Variants in SORBS2 observed in about 807,000 individuals in gnomAD.
The protein encoded by SORBS2 is sorbin and SH3 domain-containing protein 2.
In SORBS2, 46 loss-of-function variants were observed where a neutral mutation model predicts 97.7. The ratio of observed to expected loss-of-function variants is 0.47; its 90% confidence interval spans 0.37 to 0.60. The LOEUF is 0.60. Ranked by LOEUF, SORBS2 falls within the 20% of genes least tolerant of loss-of-function variation. The probability of loss-of-function intolerance (pLI) is 0.00; values close to 1 mark genes in which losing one functional copy is unlikely to be tolerated. For synonymous variants in SORBS2, 476 were observed against 473.4 expected (o/e 1.01, Z -0.07); for missense variants, 1,316 against 1,282.3 (o/e 1.03, Z -0.40).
chr4:185,610,975 A>C (rs1226929372), intron 12 of SORBS2, among the ~76,000 whole-genome samples: 2 of 152,102 alleles, frequency 1.3e-5, no homozygotes, highest in Non-Finnish European at 2.9e-5. Flanking sequence ...AATAAGAAAA[A>C]ATTTCACATT....
chr4:185,808,244 A>G, intron 1 of SORBS2, among the ~76,000 whole-genome samples: 1 of 152,186 alleles, frequency 6.6e-6, no homozygotes, highest in Non-Finnish European at 1.5e-5. Flanking sequence ...GTCAAGAAAT[A>G]TGAATTTAAA....
intron 1 of SORBS2, among the ~76,000 whole-genome samples, chr4:185,801,836 A>G (rs114492188): frequency 0.015 from 2,209 of 152,276 alleles, 49 homozygotes; most frequent in African/African-American, 0.051. Flanking sequence ...GTAAAACCCA[A>G]TGAGCACTTC....
intron 1 of SORBS2, chr4:185,918,640 C>G (rs545888090): frequency 6.6e-6 from 1 of 152,204 alleles, no homozygotes; most frequent in African/African-American, 2.4e-5. Context: ...GAGACATTTG[C>G]GTAGCTCTGT....
intron 4 of SORBS2, among the ~76,000 whole-genome samples, chr4:185,666,426 C>T (rs2097599986): frequency 6.6e-6 from 1 of 152,164 alleles, no homozygotes; most frequent in African/African-American, 2.4e-5. Flanking sequence ...CCGGTTTTCA[C>T]ACAGCACTGC....
chr4:185,869,990 A>C lies in SORBS2; in HGVS notation c.-338+86206T>G, dbSNP rs193157587. Among the ~76,000 whole-genome samples, 364 of 152,362 alleles carry C rather than the reference A, an allele frequency of 2.4e-3. 2 individuals are homozygous for C. Among genetic ancestry groups the C allele is most frequent in the Non-Finnish European group, 2.9e-3 (198 of 68,034 alleles). Reference sequence around the variant, plus strand: ...TGTATATAAGTTTAAAGAGGATAAAAAGTTGAAAAATCTTTCTTAATTGTT... The same window carrying C: ...TGTATATAAGTTTAAAGAGGATAAACAGTTGAAAAATCTTTCTTAATTGTT... On this transcript the variant is annotated intron_variant, in intron 1 of 20. Transcript: ENST00000284776.
intron 1 of SORBS2, among the ~76,000 whole-genome samples, chr4:185,824,352 A>C (rs768187000): frequency 6.6e-6 from 1 of 152,068 alleles, no homozygotes; most frequent in Non-Finnish European, 1.5e-5. Context: ...CTCTTTTCTT[A>C]TAAGGACAGG....
intron 2 of SORBS2, chr4:185,757,323 C>T (rs978120863): frequency 2.2e-5 from 4 of 186,032 alleles, no homozygotes; most frequent in Admixed American, 1.1e-4. Flanking sequence ...AGGAAATGCA[C>T]CTATGTGAAG....
chr4:185,760,160 A>G (rs1349114814), intron 2 of SORBS2, among the ~76,000 whole-genome samples: 1 of 152,202 alleles, frequency 6.6e-6, no homozygotes, highest in Non-Finnish European at 1.5e-5. Context: ...AGGAACAACC[A>G]TATGTACTAT....
intron 1 of SORBS2, among the ~76,000 whole-genome samples, chr4:185,950,699 T>G (rs1023916261): frequency 6.6e-6 from 1 of 152,206 alleles, no homozygotes; most frequent in African/African-American, 2.4e-5. Flanking sequence ...TTAATACACA[T>G]TTGGACTTGT....
intron 1 of SORBS2, among the ~76,000 whole-genome samples, chr4:185,890,229 G>A (rs568248029): frequency 1.4e-4 from 22 of 152,168 alleles, no homozygotes; most frequent in African/African-American, 4.8e-4. Flanking sequence ...TCACTTTTTT[G>A]TATAAAATCC....
At chr4:185,670,102 C>A (rs1026049712) in intron 4 of SORBS2, among the ~76,000 whole-genome samples, 7 of 151,970 alleles carry the variant, frequency 4.6e-5, no homozygotes, top group African/African-American at 1.7e-4. Flanking sequence ...GCCTGTAATC[C>A]CAGCTACTCT....
At chr4:185,863,898 T>C (rs2099225331) in intron 1 of SORBS2, among the ~76,000 whole-genome samples, 1 of 152,208 alleles carries the variant, frequency 6.6e-6, no homozygotes, top group African/African-American at 2.4e-5. Flanking sequence ...TTTAACAATA[T>C]GGGGTTCTTT....
At chr4:185,616,839 C>T (rs2096635823) in intron 9 of SORBS2, among the ~76,000 whole-genome samples, 1 of 152,176 alleles carries the variant, frequency 6.6e-6, no homozygotes, top group African/African-American at 2.4e-5. Flanking sequence ...ACCTTCACCT[C>T]CCAGGTTCAA....
chr4:185,945,714 A>G (rs2099274210), intron 1 of SORBS2, among the ~76,000 whole-genome samples: 1 of 152,226 alleles, frequency 6.6e-6, no homozygotes, highest in Non-Finnish European at 1.5e-5. Context: ...TTAGAAACAC[A>G]AACAGGTGCT....
chr4:185,946,258 G>A (rs1181190916), intron 1 of SORBS2, among the ~76,000 whole-genome samples: 2 of 152,116 alleles, frequency 1.3e-5, no homozygotes, highest in African/African-American at 2.4e-5. Context: ...GTGTGTTTTC[G>A]AAAGTCAACT....
intron 4 of SORBS2, among the ~76,000 whole-genome samples, chr4:185,668,890 C>T (rs566364342): frequency 4.6e-5 from 7 of 152,198 alleles, no homozygotes; most frequent in Non-Finnish European, 8.8e-5. Context: ...TTTCCCCAAC[C>T]CTTGAGCTAG....
At chr4:185,667,163 T>TAA (rs1561796565) in intron 4 of SORBS2, among the ~76,000 whole-genome samples, 5 of 152,162 alleles carry the variant, frequency 3.3e-5, no homozygotes, top group African/African-American at 1.2e-4. Context: ...GAACAGACAC[T>TAA]TTTTGGAGGG....
At chr4:185,939,564 G>T (rs1454794658) in intron 1 of SORBS2, among the ~76,000 whole-genome samples, 1 of 152,066 alleles carries the variant, frequency 6.6e-6, no homozygotes, top group East Asian at 1.9e-4. Context: ...AGGCTGGAGT[G>T]CGATGGCGCG....
intron 1 of SORBS2, among the ~76,000 whole-genome samples, chr4:185,804,787 G>A (rs1198282946): frequency 6.6e-6 from 1 of 152,070 alleles, no homozygotes; most frequent in Non-Finnish European, 1.5e-5. Context: ...CTGAATACTA[G>A]TTAATAGGTT....
Sources: allele counts gnomAD v4.1 joint callset (sites outside exome capture counted in the v4.1 genomes callset), GRCh38; gene constraint gnomAD v4.1.1; transcripts MANE v1.5; gene names NCBI Gene and HGNC (gene_info 2026-07-23, HGNC 2026-07-21).